Variants in SRGAP2B observed in about 807,000 individuals in gnomAD.
The protein encoded by SRGAP2B is SLIT-ROBO Rho GTPase-activating protein 2B.
Under a neutral mutation model 22.2 loss-of-function variants are expected in SRGAP2B, and 9 were observed. The observed-to-expected ratio is 0.41, with a 90% CI of 0.24 to 0.71. The LOEUF (loss-of-function observed/expected upper bound fraction) is 0.71. Ranked by LOEUF, SRGAP2B falls within the 30% of genes least tolerant of loss-of-function variation. SRGAP2B has a pLI of 0.35. For synonymous variants in SRGAP2B, 36 were observed against 87.4 expected, an observed-to-expected ratio of 0.41 and a Z score of 3.28; for missense variants, 114 against 235.8, an observed-to-expected ratio of 0.48 and a Z score of 3.38.
At chr1:145,030,281 A>C (rs1428381958) in intron 2 of SRGAP2B, among the ~76,000 whole-genome samples, 1 of 150,198 alleles carries the variant, frequency 6.7e-6, no homozygotes, top group Non-Finnish European at 1.5e-5. Context: ...CAGAACATAT[A>C]TCATTTACAC....
intron 2 of SRGAP2B, among the ~76,000 whole-genome samples, chr1:145,044,650 TAAAAAAAAAAAAAAAAAAAAAAA>T (rs1184404731): frequency 4.0e-3 from 124 of 30,624 alleles, no homozygotes; most frequent in African/African-American, 0.011. Flanking sequence ...AACCCCCTCC[TAAAAAAAAAAAAAAAAAAAAAAA>T]AAAAAAAAAA....
At chr1:144,904,467 TGAG>T (rs1332475746) in intron 7 of SRGAP2B, among the ~76,000 whole-genome samples, 3 of 65,666 alleles carry the variant, frequency 4.6e-5, no homozygotes, top group Non-Finnish European at 5.8e-5. Context: ...GTGGATCACC[TGAG>T]GTCAGGTCAC....
chr1:145,067,243 C>T (rs1376898790), intron 2 of SRGAP2B, among the ~76,000 whole-genome samples: 6 of 146,044 alleles, frequency 4.1e-5, no homozygotes, highest in Non-Finnish European at 7.5e-5. Flanking sequence ...GAGCTGAGAT[C>T]ACGCCATTGC....
Position 144,995,890 on chromosome 1 carries a change from C to A in SRGAP2B, c.68-690G>T. On this transcript the variant is annotated intron_variant, in intron 2 of 9. Transcript: ENST00000612199. Reference sequence around the variant, plus strand: ...TCAGATTTCACAGTTTCCAACATCACAGAATGAAAATCATTTTTTAAGAAG... The same window carrying A: ...TCAGATTTCACAGTTTCCAACATCAAAGAATGAAAATCATTTTTTAAGAAG... 1.3e-5 allele frequency among the ~76,000 whole-genome samples: 2 copies of A among 150,998 alleles called. 1 individual carries two copies. The highest frequency in any genetic ancestry group is 4.9e-5 in the African/African-American group (2 of 40,422).
At chr1:145,044,396 G>A (rs1289597222) in intron 2 of SRGAP2B, among the ~76,000 whole-genome samples, 3 of 127,582 alleles carry the variant, frequency 2.4e-5, no homozygotes, top group Non-Finnish European at 3.3e-5. Flanking sequence ...CGATATTCAG[G>A]AAAAAAAACT....
At chr1:144,911,415 C>T (rs1663400867) in intron 5 of SRGAP2B, among the ~76,000 whole-genome samples, 1 of 150,286 alleles carries the variant, frequency 6.7e-6, no homozygotes, top group African/African-American at 2.5e-5. Context: ...CTGATAAAAC[C>T]ACTCTCCCAT....
At chr1:145,046,892 AG>A (rs1649847675) in intron 2 of SRGAP2B, among the ~76,000 whole-genome samples, 1 of 54,960 alleles carries the variant, frequency 1.8e-5, no homozygotes, top group Non-Finnish European at 3.3e-5. Flanking sequence ...AATATATATA[AG>A]GGCCGGGCAC....
chr1:145,022,885 G>A (rs1647301679), intron 2 of SRGAP2B, among the ~76,000 whole-genome samples: 1 of 148,934 alleles, frequency 6.7e-6, no homozygotes, highest in African/African-American at 2.6e-5. Flanking sequence ...AAGGCAATGG[G>A]GCCTGGCATG....
intron 3 of SRGAP2B, among the ~76,000 whole-genome samples, chr1:144,972,857 A>C (rs1668627667): frequency 7.2e-6 from 1 of 138,176 alleles, no homozygotes; most frequent in South Asian, 2.4e-4. Flanking sequence ...CTGCATTCCC[A>C]GCACTTTGGG....
chr1:144,909,649 G>A (rs1663267216), intron 5 of SRGAP2B, among the ~76,000 whole-genome samples: 1 of 150,364 alleles, frequency 6.7e-6, no homozygotes, highest in African/African-American at 2.5e-5. Flanking sequence ...CCATTGTAGT[G>A]GAAGACTAGA....
chr1:145,045,265 C>T (rs1263187867), intron 2 of SRGAP2B, among the ~76,000 whole-genome samples: 1 of 119,404 alleles, frequency 8.4e-6, no homozygotes, highest in East Asian at 2.3e-4. Flanking sequence ...CCACTGCACT[C>T]CAGCCTGGGG....
At chr1:144,921,002 A>G (rs1664207620) in intron 4 of SRGAP2B, among the ~76,000 whole-genome samples, 1 of 149,568 alleles carries the variant, frequency 6.7e-6, no homozygotes, top group Admixed American at 6.6e-5. Flanking sequence ...GCAAATATTT[A>G]TAGAACATTT....
chr1:144,942,553 G>C (rs1666131498), intron 4 of SRGAP2B, among the ~76,000 whole-genome samples: 1 of 150,678 alleles, frequency 6.6e-6, no homozygotes, highest in Admixed American at 6.6e-5. Context: ...CTGAGTAGCT[G>C]AGATTACAGG....
In SRGAP2B at chr1:144,955,424, G is replaced by C; in HGVS notation, c.423+15C>G. 2 of 1,601,134 alleles carry C rather than the reference G, an allele frequency of 1.2e-6. No homozygotes were observed. Among genetic ancestry groups the C allele is most frequent in the East Asian group, 4.5e-5 (2 of 44,610 alleles). On this transcript the variant is annotated intron_variant, in intron 4 of 9. Transcript: ENST00000612199. The stretch of plus-strand genomic sequence containing the variant: ...TGCTCCACCCAAGAACCTCTGTGAA[G>C]AAATATCTCTGTACCTTTTTAAAGA...
chr1:144,912,120 T>A (rs1558744213), intron 5 of SRGAP2B, among the ~76,000 whole-genome samples: 1 of 148,584 alleles, frequency 6.7e-6, no homozygotes, highest in Non-Finnish European at 1.5e-5. Flanking sequence ...CCAGCTATTT[T>A]TTTTTGTATT....
intron 3 of SRGAP2B, among the ~76,000 whole-genome samples, chr1:144,976,568 C>T (rs1307018116): frequency 6.9e-6 from 1 of 144,874 alleles, no homozygotes; most frequent in Non-Finnish European, 1.5e-5. Flanking sequence ...GCAACCGAGG[C>T]TCTCTGAAAA....
intron 4 of SRGAP2B, among the ~76,000 whole-genome samples, chr1:144,934,297 G>C (rs1553343728): frequency 9.5e-5 from 14 of 147,106 alleles, no homozygotes; most frequent in Admixed American, 8.1e-4. Flanking sequence ...CCAGCTACTC[G>C]GGAGGCTGAG....
Position 145,067,307 on chromosome 1 carries a change from T to A in SRGAP2B, c.67+25528A>T, listed in dbSNP as rs1393060665. Among the ~76,000 whole-genome samples the A allele has an allele frequency of 3.4e-5, 5 of 146,186 alleles. 1 individual carries two copies. Among genetic ancestry groups the A allele is most frequent in the African/African-American group, 7.8e-5 (3 of 38,450 alleles). ...CTGTCTAAAAAAAAAAAAAAAAAAA[T>A]TAGAAAACTAATTATCAGAGAAGCC... On this transcript the variant is annotated intron_variant, in intron 2 of 9. Transcript: ENST00000612199.
At chr1:144,942,320 C>T (rs1666109686) in intron 4 of SRGAP2B, among the ~76,000 whole-genome samples, 1 of 150,222 alleles carries the variant, frequency 6.7e-6, no homozygotes. Context: ...TGGTTTCTCC[C>T]AAGACTAATA....
Sources: allele counts gnomAD v4.1 joint callset (sites outside exome capture counted in the v4.1 genomes callset), GRCh38; gene constraint gnomAD v4.1.1; transcripts MANE v1.5; gene names NCBI Gene and HGNC (gene_info 2026-07-23, HGNC 2026-07-21).